RIOK1: variants seen among roughly 807,000 people sequenced by gnomAD.
RIOK1 encodes the protein serine/threonine-protein kinase RIO1.
A neutral mutation model predicts 73.5 loss-of-function variants in RIOK1; 66 were observed. That is an observed-to-expected ratio of 0.90 (90% CI 0.74 to 1.10). The LOEUF (loss-of-function observed/expected upper bound fraction) is 1.10, where lower values mean the gene tolerates loss of function less well. RIOK1 is among the 50% of genes least tolerant of loss of function. The pLI is 0.00. For missense variants in RIOK1, 658 were observed against 699.8 expected (o/e 0.94, Z 0.67); for synonymous variants, 224 against 226.8 (o/e 0.99, Z 0.11).
In RIOK1 at chr6:7,411,350, A is replaced by G; in HGVS notation, c.1288A>G (p.Ile430Val). 6.2e-7 allele frequency: 1 copy of G among 1,614,066 alleles called. No individual in the cohort carries two copies. Among genetic ancestry groups the G allele is most frequent in the South Asian group, 1.1e-5 (1 of 91,074 alleles). Residue 430 changes from isoleucine (I) to valine (V), a missense_variant, in exon 14 of 17, where the codon ATT (isoleucine) becomes GTT (valine). Transcript: ENST00000379834. ...VDEEVFKRAY[I>V]PRTLNEVKNY... ...CTGTTAGGTGTTTAAGCGAGCATAT[A>G]TTCCTAGAACCTTGAATGAAGTGAA...
chr6:7,411,559 T>G, intron 14 of RIOK1, 108 bp downstream of exon 14: 1 of 1,164,916 alleles, frequency 8.6e-7, no homozygotes, highest in South Asian at 1.4e-5. Context: ...TATTGGCTTC[T>G]GAGCTAGTGA....
At chr6:7,417,248 TAAAAAACAAAAAAC>T in intron 16 of RIOK1, 69 bp from the exon 17 acceptor site, 3 of 894,446 alleles carry the variant, frequency 3.4e-6, no homozygotes, top group Non-Finnish European at 5.0e-6. Context: ...AGACCCTGTC[TAAAAAACAAAAAAC>T]AAAAAACAAA....
chr6:7,390,182 T>C (rs1761293768), intron 1 of RIOK1, 109 bp downstream of exon 1: 1 of 877,976 alleles, frequency 1.1e-6, no homozygotes, highest in Non-Finnish European at 1.7e-6. Context: ...GGTTCATCAC[T>C]CAGCGTCTCT....
At position 7,417,583 on chromosome 6, in the gene RIOK1, C is replaced by A; in HGVS notation, c.*142C>A. 1 of 510,782 alleles carries A rather than the reference C, an allele frequency of 2.0e-6. No individual in the cohort carries two copies. The highest frequency in any genetic ancestry group is 3.5e-6 in the Non-Finnish European group (1 of 286,020). The allele number at this position is 510,782 out of a possible 1,614,324, so 31.6% of individuals were successfully genotyped here. ...CTGTGAAGACGGATTCAAATGTTTTCATGTAACTATGTAAAAAGCTCTAAG... is the reference window on the plus strand; with the variant it reads ...CTGTGAAGACGGATTCAAATGTTTTAATGTAACTATGTAAAAAGCTCTAAG... On this transcript the variant is annotated 3_prime_UTR_variant, in exon 17 of 17. Transcript: ENST00000379834.
At chr6:7,393,695 C>T (rs1245277915) in intron 2 of RIOK1, among the ~76,000 whole-genome samples, 2 of 152,188 alleles carry the variant, frequency 1.3e-5, no homozygotes, top group African/African-American at 4.8e-5. Context: ...AAAGACAAAA[C>T]ATATCATTGA....
chr6:7,417,207 C>T (rs755991699), intron 16 of RIOK1, 124 bp from the exon 17 acceptor site: 12 of 546,668 alleles, frequency 2.2e-5, no homozygotes, highest in African/African-American at 9.8e-5. Flanking sequence ...ACCATGGTCA[C>T]GCCACTGACT....
At chr6:7,402,293 T>G (rs1271929470) in intron 6 of RIOK1, among the ~76,000 whole-genome samples, 1 of 152,224 alleles carries the variant, frequency 6.6e-6, no homozygotes, top group Non-Finnish European at 1.5e-5. Flanking sequence ...TAAATATTTA[T>G]CTATCTAAAC....
At chr6:7,407,763 G>A (rs1333310405) in intron 12 of RIOK1, among the ~76,000 whole-genome samples, 2 of 152,002 alleles carry the variant, frequency 1.3e-5, no homozygotes, top group East Asian at 1.9e-4. Flanking sequence ...CAAAGTTCTG[G>A]GGTTGCAGGC....
intron 2 of RIOK1, among the ~76,000 whole-genome samples, chr6:7,393,992 T>G (rs76626695): frequency 6.6e-6 from 1 of 152,178 alleles, no homozygotes; most frequent in African/African-American, 2.4e-5. Context: ...TTATTTACCA[T>G]GTACAAAAAA....
rs1394947737 is a variant in RIOK1 at position 7,404,464 on chromosome 6, C to T, written c.901C>T (p.Arg301Trp). The T allele has an allele frequency of 2.5e-6, 4 of 1,614,142 alleles. No homozygotes were observed. The highest frequency in any genetic ancestry group is 2.5e-6 in the Non-Finnish European group (3 of 1,180,006). The change falls in exon 10 of 17, where the codon CGG (arginine) becomes TGG (tryptophan). Residue 301 changes from arginine (R) to tryptophan (W), a missense_variant. Coordinates refer to ENST00000379834, the MANE Select transcript of RIOK1 (RefSeq NM_031480.3). ...TGTCCAGTTATCAGAATCCAAGGCT[C>T]GGGAGTTGTACCTGCAGGTCATTCA... ...KNVQLSESKA[R>W]ELYLQVIQYM...
At chr6:7,390,583 A>G (rs569088126) in intron 1 of RIOK1, among the ~76,000 whole-genome samples, 8 of 152,136 alleles carry the variant, frequency 5.3e-5, no homozygotes, top group East Asian at 1.9e-4. Flanking sequence ...GGAAAGGTTA[A>G]GTCCAGATTT....
chr6:7,407,150 C>T (rs1482859693), intron 12 of RIOK1, among the ~76,000 whole-genome samples: 5 of 152,106 alleles, frequency 3.3e-5, no homozygotes, highest in Non-Finnish European at 7.4e-5. Context: ...GAATATACAC[C>T]CAGAAGTAGA....
At chr6:7,390,211 G>GT (rs1761294654) in intron 1 of RIOK1, 138 bp downstream of exon 1, 1 of 693,380 alleles carries the variant, frequency 1.4e-6, no homozygotes. Flanking sequence ...CCCTTTGCCT[G>GT]TTTCTGCATC....
Position 7,404,042 on chromosome 6 carries a change from G to T in RIOK1, c.854+15G>T. The T allele has an allele frequency of 6.5e-7, 1 of 1,540,224 alleles. No homozygotes were observed. Among genetic ancestry groups the T allele is most frequent in the South Asian group, 1.1e-5 (1 of 89,254 alleles). On this transcript the variant is annotated intron_variant, in intron 9 of 16. Transcript: ENST00000379834. ...AAAGATGACATGTAAGTACATGGAA[G>T]GGCTAATAATTGCATTCTCAGAACT...
intron 2 of RIOK1, 23 bp from the exon 3 acceptor site, chr6:7,395,030 T>C: frequency 1.9e-6 from 3 of 1,612,984 alleles, no homozygotes; most frequent in Non-Finnish European, 2.5e-6. Flanking sequence ...GCTAGTGCCT[T>C]AGACTCTGGA....
At chr6:7,405,400 T>G (rs1234407351) in intron 12 of RIOK1, 45 bp downstream of exon 12, 36 of 1,129,534 alleles carry the variant, frequency 3.2e-5, no homozygotes, top group Non-Finnish European at 4.7e-5. Context: ...GCAGTACAGG[T>G]GCAGTATCTC....
intron 2 of RIOK1, 127 bp from the exon 3 acceptor site, chr6:7,394,926 A>G (rs1761434618): frequency 2.8e-6 from 4 of 1,444,464 alleles, no homozygotes; most frequent in Non-Finnish European, 3.8e-6. Flanking sequence ...ATTGACTCTT[A>G]CCTTTCCTTA....
At chr6:7,410,851 G>C (rs1411544549) in intron 13 of RIOK1, among the ~76,000 whole-genome samples, 2 of 152,078 alleles carry the variant, frequency 1.3e-5, no homozygotes, top group Non-Finnish European at 2.9e-5. Context: ...TTGTGAAGGA[G>C]CCATAGTAGG....
intron 16 of RIOK1, among the ~76,000 whole-genome samples, chr6:7,416,039 C>T (rs1299152995): frequency 2.0e-5 from 3 of 152,154 alleles, no homozygotes; most frequent in Non-Finnish European, 4.4e-5. Context: ...GAACATATCC[C>T]CCATGGATAA....
Sources: gnomAD v4.1 joint callset for allele counts (sites outside exome capture counted in the v4.1 genomes callset) on GRCh38, gnomAD v4.1.1 for gene constraint, MANE v1.5 for transcripts, NCBI Gene and HGNC (gene_info 2026-07-23, HGNC 2026-07-21) for gene names.